ARFGAP2: variants seen among roughly 807,000 people sequenced by gnomAD.
ARFGAP2 encodes ADP-ribosylation factor GTPase-activating protein 2.
Under a neutral mutation model 71.9 loss-of-function variants are expected in ARFGAP2, and 45 were observed. The ratio of observed to expected loss-of-function variants is 0.63; its 90% CI spans 0.49 to 0.80. ARFGAP2 has a LOEUF of 0.80. ARFGAP2 is among the 30% of genes least tolerant of loss of function. The pLI is 0.00. For synonymous variants in ARFGAP2, 248 were observed against 249.2 expected (o/e 1.00, Z 0.05); for missense variants, 633 against 673.9 (o/e 0.94, Z 0.67).
chr11:47,169,648 G>C (rs1333278138), intron 10 of ARFGAP2: 1 of 151,416 alleles, frequency 6.6e-6, no homozygotes, highest in Non-Finnish European at 1.5e-5. Context: ...ACCTGAGGTC[G>C]GGAGTTCGAG....
In ARFGAP2 at chr11:47,165,394, A is replaced by G. The variant is rs2135416495; in HGVS notation, c.*88T>C. ...ACATACGAAGTAACAAATCCTCCCC[A>G]GCTTCCACAAGGCAAAGCATCCCCA... is the stretch of plus-strand genomic sequence containing the variant. On this transcript the variant is annotated 3_prime_UTR_variant, in exon 16 of 16. Transcript: ENST00000524782. The G allele has an allele frequency of 6.7e-7, 1 of 1,493,726 alleles. No homozygotes were observed. The highest frequency in any genetic ancestry group is 1.3e-5 in the South Asian group (1 of 75,760). The allele number at this position is 1,493,726 out of a possible 1,614,324, so 92.5% of individuals were successfully genotyped here.
intron 6 of ARFGAP2, 54 bp from the exon 7 acceptor site, chr11:47,173,536 C>T: frequency 1.3e-6 from 2 of 1,512,778 alleles, no homozygotes; most frequent in Non-Finnish European, 1.8e-6. Flanking sequence ...CTGCAACCTC[C>T]CCTTGAAAGA....
chr11:47,169,041 C>T (rs1952497310), intron 10 of ARFGAP2, among the ~76,000 whole-genome samples: 1 of 151,774 alleles, frequency 6.6e-6, no homozygotes, highest in Non-Finnish European at 1.5e-5. Context: ...AAGCCAGGCA[C>T]CGTGGCTCAC....
rs532563173 is a variant in ARFGAP2, at chr11:47,170,890, G to A, written c.941+536C>T. 1.1e-4 allele frequency among the ~76,000 whole-genome samples: 17 copies of A among 152,232 alleles called. No homozygotes were observed. In the East Asian group the frequency reaches 3.3e-3, roughly 29 times the overall value. ...GAGCCCAGGAGGCAGAGGTTGCAGT[G>A]AGCTGAGATCACACCATTACACTCC... On this transcript the variant is annotated intron_variant, in intron 10 of 15. Coordinates refer to ENST00000524782, the MANE Select transcript of ARFGAP2 (RefSeq NM_032389.6).
Position 47,173,909 on chromosome 11 carries a change from C to A in ARFGAP2, c.481-69G>T, listed in dbSNP as rs752428207. On this transcript the variant is annotated intron_variant, in intron 5 of 15. Coordinates refer to ENST00000524782, the MANE Select transcript of ARFGAP2 (RefSeq NM_032389.6). ...TGCTGGCAAGAAGCACCAAGACCTA[C>A]AAGCACCTTGTGGACAAGAAATCAT... The A allele has an allele frequency of 7.1e-6, 11 of 1,548,468 alleles. No homozygotes were observed. The African/African-American group carries it at 1.5e-4, about 21-fold the overall frequency.
chr11:47,172,019 G>T, intron 8 of ARFGAP2: 1 of 753,340 alleles, frequency 1.3e-6, no homozygotes, highest in Non-Finnish European at 2.1e-6. Flanking sequence ...GAGGACGGCA[G>T]TTAATGCTGA....
chr11:47,172,333 T>A lies in ARFGAP2; in HGVS notation c.620A>T (p.Glu207Val), dbSNP rs1190859387. The A allele has an allele frequency of 1.2e-6, 2 of 1,614,152 alleles. No homozygotes were observed. The highest frequency in any genetic ancestry group is 1.6e-4 in the Middle Eastern group (1 of 6,062). The change falls in exon 8 of 16, where the codon GAA becomes GTA. Residue 207 changes from glutamate to valine, a missense_variant and splice_region_variant. Glu to Val is a moderately radical substitution (Grantham distance 121). Coordinates refer to ENST00000524782, the MANE Select transcript of ARFGAP2 (RefSeq NM_032389.6). Reference protein sequence around the residue: ...LLGTSPKASLELKSSIIGKKK... With the variant: ...LLGTSPKASLVLKSSIIGKKK... Reference sequence around the variant, plus strand: ...CTTGCCAATGATGGAGCTTTTCAGTTCTGCGTGAGAAACGGGTAGGCATGA... The same window carrying A: ...CTTGCCAATGATGGAGCTTTTCAGTACTGCGTGAGAAACGGGTAGGCATGA...
At chr11:47,173,311 G>A (rs1952670298) in intron 7 of ARFGAP2, 115 bp downstream of exon 7, 1 of 1,206,422 alleles carries the variant, frequency 8.3e-7, no homozygotes, top group South Asian at 1.3e-5. Context: ...GAATCAGATA[G>A]ATGCTCAGTC....
In ARFGAP2 at chr11:47,165,381, A is replaced by G; in HGVS notation, c.*101T>C. The G allele has an allele frequency of 6.8e-7, 1 of 1,464,030 alleles. No homozygotes were observed. The highest frequency in any genetic ancestry group is 1.4e-5 in the African/African-American group (1 of 69,442). The allele number at this position is 1,464,030 out of a possible 1,614,324, so 90.7% of individuals were successfully genotyped here. Reference sequence around the variant, plus strand: ...ACACACACACCACACATACGAAGTAACAAATCCTCCCCAGCTTCCACAAGG... The same window carrying G: ...ACACACACACCACACATACGAAGTAGCAAATCCTCCCCAGCTTCCACAAGG... On this transcript the variant is annotated 3_prime_UTR_variant, in exon 16 of 16. Coordinates refer to ENST00000524782, the MANE Select transcript of ARFGAP2 (RefSeq NM_032389.6).
Position 47,176,583 on chromosome 11 carries a change from C to T in ARFGAP2, c.124G>A (p.Gly42Ser), listed in dbSNP as rs573094760. 6.2e-7 allele frequency: 1 copy of T among 1,614,122 alleles called. No homozygotes were observed. The highest frequency in any genetic ancestry group is 1.7e-5 in the Admixed American group (1 of 60,026). ...GAACAGTCAATGCACAAGAAAACACCGTACGTGATGCTGGCCCAACTCGGA... is the reference window on the plus strand; with the variant it reads ...GAACAGTCAATGCACAAGAAAACACTGTACGTGATGCTGGCCCAACTCGGA... ...KNPSWASITYGVFLCIDCSGV... is the reference protein window; with the variant it reads ...KNPSWASITYSVFLCIDCSGV... The change falls in exon 2 of 16, where the codon GGT (glycine) becomes AGT (serine). Residue 42 changes from glycine (G) to serine (S), a missense_variant. Physicochemically the swap from Gly to Ser is moderately conservative, Grantham distance 56. Transcript: ENST00000524782.
chr11:47,176,302 A>G (rs1015294556), intron 2 of ARFGAP2: 6 of 600,308 alleles, frequency 1.0e-5, no homozygotes, highest in African/African-American at 1.9e-5. Context: ...CCGTCAAAAA[A>G]GAGGAAGTTT....
chr11:47,171,243 A>G (rs1314627439), intron 10 of ARFGAP2, among the ~76,000 whole-genome samples, 183 bp downstream of exon 10: 2 of 152,230 alleles, frequency 1.3e-5, no homozygotes, highest in African/African-American at 2.4e-5. Flanking sequence ...CAGTCATTCA[A>G]CTTACTGAGC....
rs1249500614 is a variant in ARFGAP2, at chr11:47,167,425, G to T, written c.1205+484C>A. ...TAGTTACGTTCCCATTTTATACGGG[G>T]ATAACTCACAGATATTATGTCAACT... On this transcript the variant is annotated intron_variant, in intron 12 of 15. Transcript: ENST00000524782. Among the ~76,000 whole-genome samples the T allele has an allele frequency of 2.0e-5, 3 of 152,154 alleles. No individual in the cohort carries two copies. In the East Asian group the frequency reaches 5.8e-4, roughly 29 times the overall value.
intron 10 of ARFGAP2, chr11:47,169,655 C>G (rs964585506): frequency 6.6e-6 from 1 of 151,544 alleles, no homozygotes; most frequent in Non-Finnish European, 1.5e-5. Context: ...GTCGGGAGTT[C>G]GAGACCAGCC....
chr11:47,168,959 C>A (rs1952494421), intron 10 of ARFGAP2, among the ~76,000 whole-genome samples: 1 of 151,730 alleles, frequency 6.6e-6, no homozygotes, highest in African/African-American at 2.4e-5. Context: ...AATGCCCCAG[C>A]ACCAGGGAAA....
intron 10 of ARFGAP2, among the ~76,000 whole-genome samples, chr11:47,168,985 C>A (rs1343801792): frequency 6.7e-6 from 1 of 150,100 alleles, no homozygotes; most frequent in Non-Finnish European, 1.5e-5. Flanking sequence ...ATAACTGCAT[C>A]AAAGAATGAG....
chr11:47,176,286 G>A, intron 2 of ARFGAP2: 1 of 597,416 alleles, frequency 1.7e-6, no homozygotes, highest in Middle Eastern at 4.4e-4. Flanking sequence ...AGAGTCTCAA[G>A]CCTGACCGTC....
chr11:47,174,227 C>T lies in ARFGAP2; in HGVS notation c.481-387G>A, dbSNP rs550043716. Among the ~76,000 whole-genome samples, 5 of 152,268 alleles carry T rather than the reference C, an allele frequency of 3.3e-5. No individual in the cohort carries two copies. In the South Asian group the frequency reaches 6.2e-4, roughly 19 times the overall value. On this transcript the variant is annotated intron_variant, in intron 5 of 15. Coordinates refer to ENST00000524782, the MANE Select transcript of ARFGAP2 (RefSeq NM_032389.6). ...TTGACAGGTTGAGTGACTTGGCCACCATCACAGGAATGCGGAGTAGAGAAC... is the reference window on the plus strand; with the variant it reads ...TTGACAGGTTGAGTGACTTGGCCACTATCACAGGAATGCGGAGTAGAGAAC...
chr11:47,172,680 G>A, intron 7 of ARFGAP2: 1 of 1,313,656 alleles, frequency 7.6e-7, no homozygotes, highest in South Asian at 1.2e-5. Flanking sequence ...TGAGAACAGG[G>A]GCTGGGCTCC....
Sources: allele counts gnomAD v4.1 joint callset (sites outside exome capture counted in the v4.1 genomes callset), GRCh38; gene constraint gnomAD v4.1.1; transcripts MANE v1.5; gene names NCBI Gene and HGNC (gene_info 2026-07-23, HGNC 2026-07-21).